TMTC2: variants seen among roughly 807,000 people sequenced by gnomAD.
TMTC2 encodes transmembrane O-mannosyltransferase targeting cadherins 2, also known as protein O-mannosyl-transferase TMTC2.
Under a neutral mutation model 82.4 loss-of-function variants are expected in TMTC2, and 43 were observed. That is an observed-to-expected ratio of 0.52 (90% CI 0.41 to 0.67). The LOEUF is 0.67. TMTC2 is among the 30% of genes least tolerant of loss of function. The probability of loss-of-function intolerance (pLI) is 0.00; values close to 1 mark genes in which losing one functional copy is unlikely to be tolerated. For missense variants in TMTC2, 919 were observed against 1,012.4 expected, an observed-to-expected ratio of 0.91 and a Z score of 1.25; for synonymous variants, 408 against 381.9, an observed-to-expected ratio of 1.07 and a Z score of -0.80.
rs541462197 is a variant in TMTC2, at chr12:83,011,869, A to G, written c.2071-18929A>G. On this transcript the variant is annotated intron_variant, in intron 8 of 11. Coordinates refer to ENST00000321196, the MANE Select transcript of TMTC2 (RefSeq NM_152588.3). ...TAATAAATATTGCTTATTTTTTTAG[A>G]TAATGAAAGTAGATACCATGTTCAT... is the stretch of plus-strand genomic sequence containing the variant. 3.4e-4 allele frequency among the ~76,000 whole-genome samples: 52 copies of G among 152,180 alleles called. 1 individual carries two copies. The highest frequency in any genetic ancestry group is 5.6e-4 in the Non-Finnish European group (38 of 68,028).
rs7955216 is a variant in TMTC2, at chr12:82,937,750, G to A, written c.1598+7205G>A. ...TGTGGATGTGTGTGTGTGTGTGTGT[G>A]TATATATATATATATATATATATAT... is the stretch of plus-strand genomic sequence containing the variant. On this transcript the variant is annotated intron_variant, in intron 4 of 11. Transcript: ENST00000321196. 2.1e-3 allele frequency among the ~76,000 whole-genome samples: 223 copies of A among 105,922 alleles called. 1 individual carries two copies. Among genetic ancestry groups the A allele is most frequent in the African/African-American group, 4.9e-3 (101 of 20,580 alleles). 69.5% of individuals were successfully genotyped at this position (105,922 alleles called of 152,430 possible). A position where few individuals can be genotyped will look rare whatever the true frequency, so the allele number is the denominator to read the frequency against.
intron 11 of TMTC2, among the ~76,000 whole-genome samples, chr12:83,094,900 T>C (rs1375601007): frequency 6.6e-6 from 1 of 152,110 alleles, no homozygotes; most frequent in South Asian, 2.1e-4. Flanking sequence ...GTCATGCAAC[T>C]GAAGATTAGA....
At position 82,876,043 on chromosome 12, in the gene TMTC2, T is replaced by C. The variant is rs540973833; in HGVS notation, c.654+18463T>C. On this transcript the variant is annotated intron_variant, in intron 2 of 11. Coordinates refer to ENST00000321196, the MANE Select transcript of TMTC2 (RefSeq NM_152588.3). The stretch of plus-strand genomic sequence containing the variant: ...GTAGTGGTGGCGGTGGTGGTGGTGG[T>C]GGTGGTGGTGGTGGTGGTGGTGGTG... 1.2e-3 allele frequency among the ~76,000 whole-genome samples: 137 copies of C among 113,132 alleles called. 1 individual carries two copies. The highest frequency in any genetic ancestry group is 2.1e-3 in the Admixed American group (21 of 10,042). 74.2% of individuals were successfully genotyped at this position (113,132 alleles called of 152,430 possible).
chr12:83,017,171 A>G (rs1285915938), intron 8 of TMTC2, among the ~76,000 whole-genome samples: 7 of 152,160 alleles, frequency 4.6e-5, no homozygotes, highest in Non-Finnish European at 8.8e-5. Context: ...AGCTGAGGTC[A>G]CAGTAAGACC....
intron 10 of TMTC2, among the ~76,000 whole-genome samples, chr12:83,054,461 G>C (rs1288382936): frequency 6.6e-6 from 1 of 151,680 alleles, no homozygotes; most frequent in Non-Finnish European, 1.5e-5. Context: ...ACATGAAAAT[G>C]GTGACTGAAT....
At chr12:82,876,956 T>A (rs924363267) in intron 2 of TMTC2, among the ~76,000 whole-genome samples, 1 of 152,224 alleles carries the variant, frequency 6.6e-6, no homozygotes, top group African/African-American at 2.4e-5. Flanking sequence ...TGAGCCTTTT[T>A]AAATTTTTAT....
intron 1 of TMTC2, among the ~76,000 whole-genome samples, chr12:82,737,853 C>T (rs1201164098): frequency 6.6e-6 from 1 of 152,128 alleles, no homozygotes; most frequent in African/African-American, 2.4e-5. Flanking sequence ...GTTTCTAATG[C>T]CTAAATACCA....
intron 7 of TMTC2, among the ~76,000 whole-genome samples, chr12:82,970,623 G>A (rs1320723904): frequency 6.6e-6 from 1 of 152,182 alleles, no homozygotes; most frequent in Non-Finnish European, 1.5e-5. Flanking sequence ...GTGAGCCACC[G>A]CGCCCGGCCT....
intron 11 of TMTC2, among the ~76,000 whole-genome samples, chr12:83,095,929 G>T (rs1884014037): frequency 6.6e-6 from 1 of 152,190 alleles, no homozygotes; most frequent in Non-Finnish European, 1.5e-5. Context: ...TTCTAGATCT[G>T]AAGTCAGAAC....
intron 11 of TMTC2, among the ~76,000 whole-genome samples, chr12:83,068,899 A>G (rs544461664): frequency 3.8e-4 from 58 of 152,050 alleles, no homozygotes; most frequent in African/African-American, 1.4e-3. Flanking sequence ...CCATTGTATC[A>G]TTCTTATGCC....
chr12:82,823,359 C>G (rs1191465653), intron 1 of TMTC2, among the ~76,000 whole-genome samples: 3 of 152,064 alleles, frequency 2.0e-5, no homozygotes, highest in Non-Finnish European at 1.5e-5. Flanking sequence ...ATTTTTTTCT[C>G]TACACAAAAT....
chr12:83,014,725 G>A (rs1880599474), intron 8 of TMTC2, among the ~76,000 whole-genome samples: 1 of 38,540 alleles, frequency 2.6e-5, no homozygotes, highest in African/African-American at 8.0e-5. Flanking sequence ...TAGTTAAGAA[G>A]AGAACTTTTT....
intron 1 of TMTC2, among the ~76,000 whole-genome samples, chr12:82,730,195 T>C (rs1198711470): frequency 6.7e-6 from 1 of 148,396 alleles, no homozygotes; most frequent in African/African-American, 2.5e-5. Flanking sequence ...TTCAGGAGGC[T>C]GAGGCAGGAG....
intron 1 of TMTC2, chr12:82,760,874 G>A: frequency 2.5e-6 from 1 of 405,752 alleles, no homozygotes. Flanking sequence ...ACCCCCAGAT[G>A]GAACCATCTA....
chr12:82,762,003 G>C (rs1197866313), intron 1 of TMTC2, among the ~76,000 whole-genome samples: 5 of 106,218 alleles, frequency 4.7e-5, no homozygotes, highest in Non-Finnish European at 6.8e-5. Flanking sequence ...GTCACGCTCT[G>C]TTGCCCAGGC....
At chr12:83,102,502 GATTATATCA>G (rs1884254433) in intron 11 of TMTC2, among the ~76,000 whole-genome samples, 4 of 152,134 alleles carry the variant, frequency 2.6e-5, no homozygotes, top group African/African-American at 9.7e-5. Context: ...ATCAGAAAGG[GATTATATCA>G]AAATGCAAAA....
At chr12:82,738,215 A>C (rs779053620) in intron 1 of TMTC2, among the ~76,000 whole-genome samples, 21 of 152,210 alleles carry the variant, frequency 1.4e-4, no homozygotes, top group Non-Finnish European at 2.6e-4. Context: ...CCCTTAAATG[A>C]CTATGCCAGG....
intron 1 of TMTC2, among the ~76,000 whole-genome samples, chr12:82,710,493 C>A (rs1254508087): frequency 6.6e-6 from 1 of 152,228 alleles, no homozygotes; most frequent in African/African-American, 2.4e-5. Flanking sequence ...CCCTTCTAGG[C>A]AGCCCAGTAA....
chr12:82,801,318 T>C (rs1393024260), intron 1 of TMTC2, among the ~76,000 whole-genome samples: 5 of 152,262 alleles, frequency 3.3e-5, no homozygotes, highest in Non-Finnish European at 7.4e-5. Context: ...ACTGCAGATC[T>C]TCACCATGAG....
Sources: gnomAD v4.1 joint callset for allele counts (sites outside exome capture counted in the v4.1 genomes callset) on GRCh38, gnomAD v4.1.1 for gene constraint, MANE v1.5 for transcripts, NCBI Gene and HGNC (gene_info 2026-07-23, HGNC 2026-07-21) for gene names.